Variants in CSMD1 observed in about 807,000 individuals in gnomAD.
The protein encoded by CSMD1 is CUB and sushi domain-containing protein 1.
Under a neutral mutation model 417.5 loss-of-function variants are expected in CSMD1, and 213 were observed. That is an observed-to-expected ratio of 0.51 (90% CI 0.46 to 0.57). The LOEUF (loss-of-function observed/expected upper bound fraction) is 0.57, where lower values mean the gene tolerates loss of function less well. CSMD1 is among the 20% of genes least tolerant of loss of function. The pLI is 0.00. For missense variants in CSMD1, 6,923 were observed against 4,529.7 expected (o/e 1.53, Z -15.17); for synonymous variants, 2,862 against 1,736.8 (o/e 1.65, Z -16.11).
chr8:4,752,544 C>G (rs1811399758), intron 1 of CSMD1, among the ~76,000 whole-genome samples: 1 of 152,292 alleles, frequency 6.6e-6, no homozygotes, highest in Admixed American at 6.5e-5. Context: ...AGTTAAAACT[C>G]TGTACCCAGA....
At chr8:3,091,859 A>G (rs78015806) in intron 47 of CSMD1, among the ~76,000 whole-genome samples, 197 bp from the exon 48 acceptor site, 1,732 of 152,316 alleles carry the variant, frequency 0.011, 35 homozygotes, top group African/African-American at 0.04. Flanking sequence ...AATGTACAAA[A>G]AGAATTTCAG....
At chr8:3,813,167 CA>C (rs975880760) in intron 5 of CSMD1, among the ~76,000 whole-genome samples, 1 of 146,124 alleles carries the variant, frequency 6.8e-6, no homozygotes, top group Non-Finnish European at 1.5e-5. Context: ...AATTACATTT[CA>C]AAGAAATTCA....
intron 2 of CSMD1, among the ~76,000 whole-genome samples, chr8:4,434,468 A>G (rs965605580): frequency 1.3e-5 from 2 of 152,170 alleles, no homozygotes; most frequent in African/African-American, 4.8e-5. Flanking sequence ...TGAAGTCCCC[A>G]CACTCTAACA....
chr8:3,602,201 T>G (rs1801396313), intron 8 of CSMD1, among the ~76,000 whole-genome samples: 1 of 152,220 alleles, frequency 6.6e-6, no homozygotes, highest in African/African-American at 2.4e-5. Flanking sequence ...TCTTCATGAC[T>G]GGTCCATCTT....
intron 1 of CSMD1, among the ~76,000 whole-genome samples, chr8:4,911,218 A>C (rs1451731414): frequency 6.6e-6 from 1 of 152,184 alleles, no homozygotes; most frequent in Non-Finnish European, 1.5e-5. Flanking sequence ...CTTTTCCTCA[A>C]ATTCTGTCTG....
intron 25 of CSMD1, 37 bp from the exon 26 acceptor site, chr8:3,284,383 A>G (rs1274889038): frequency 3.3e-6 from 5 of 1,512,202 alleles, no homozygotes; most frequent in Non-Finnish European, 4.6e-6. Flanking sequence ...CTTGCCGTGC[A>G]TCGAGCATGT....
At chr8:4,889,643 G>C (rs1456853215) in intron 1 of CSMD1, among the ~76,000 whole-genome samples, 2 of 152,012 alleles carry the variant, frequency 1.3e-5, no homozygotes, top group African/African-American at 2.4e-5. Context: ...AGCCATAAGA[G>C]ACTGCAAATA....
intron 3 of CSMD1, among the ~76,000 whole-genome samples, chr8:4,198,443 G>T (rs949217576): frequency 1.3e-5 from 2 of 152,316 alleles, no homozygotes; most frequent in Admixed American, 6.5e-5. Context: ...ACCTGTGGTG[G>T]TTAGGTAAAA....
chr8:3,087,231 G>C lies in CSMD1; in HGVS notation c.7340C>G (p.Thr2447Ser), dbSNP rs954349572. The C allele has an allele frequency of 1.2e-6, 2 of 1,613,950 alleles. No individual in the cohort carries two copies. Among genetic ancestry groups the C allele is most frequent in the Admixed American group, 1.7e-5 (1 of 60,020 alleles). The change falls in exon 49 of 70, where the codon ACT (threonine) becomes AGT (serine). Residue 2447 changes from threonine (T) to serine (S), a missense_variant. Physicochemically the swap from Thr to Ser is moderately conservative, Grantham distance 58. Transcript: ENST00000635120. Reference sequence around the variant, plus strand: ...CACTTTGCTTCCAACCGCTCCTGCAGTCCTGTTTAGAATACCCCCATTCTT... The same window carrying C: ...CACTTTGCTTCCAACCGCTCCTGCACTCCTGTTTAGAATACCCCCATTCTT... The part of the protein sequence containing the change: ...PLKNGGILNR[T>S]AGAVGSKVHY...
chr8:3,647,004 A>C (rs974884811), intron 7 of CSMD1, among the ~76,000 whole-genome samples: 1 of 152,150 alleles, frequency 6.6e-6, no homozygotes, highest in Non-Finnish European at 1.5e-5. Flanking sequence ...GCATTTTTGA[A>C]ACATCTCAGC....
chr8:4,771,363 G>A (rs117297156), intron 1 of CSMD1, among the ~76,000 whole-genome samples: 6 of 152,290 alleles, frequency 3.9e-5, no homozygotes, highest in Non-Finnish European at 7.4e-5. Context: ...CCAGGCTTTG[G>A]GCCCTCTTCA....
Position 4,655,449 on chromosome 8 carries a change from C to G in CSMD1, c.86-17891G>C, listed in dbSNP as rs1804168745. On this transcript the variant is annotated intron_variant, in intron 1 of 69. Coordinates refer to ENST00000635120, the MANE Select transcript of CSMD1 (RefSeq NM_033225.6). ...GGTATAAAATGGAAATGTGAAGTTA[C>G]AGACATGGATTCTGGCTTATTTTTT... Among the ~76,000 whole-genome samples, 2 of 152,052 alleles carry G rather than the reference C, an allele frequency of 1.3e-5. 1 individual carries two copies. The highest frequency in any genetic ancestry group is 4.8e-5 in the African/African-American group (2 of 41,340).
At chr8:3,274,331 G>T (rs1463421736) in intron 26 of CSMD1, among the ~76,000 whole-genome samples, 1 of 152,134 alleles carries the variant, frequency 6.6e-6, no homozygotes, top group Non-Finnish European at 1.5e-5. Flanking sequence ...ATTTGCTGAG[G>T]AGTGCTTTAC....
intron 1 of CSMD1, among the ~76,000 whole-genome samples, chr8:4,975,974 G>A (rs1425864523): frequency 2.0e-5 from 3 of 152,076 alleles, no homozygotes; most frequent in African/African-American, 4.8e-5. Flanking sequence ...GCTTGAAAAA[G>A]AAATAGGTGT....
At chr8:3,509,198 A>G (rs944837581) in intron 10 of CSMD1, among the ~76,000 whole-genome samples, 1 of 152,228 alleles carries the variant, frequency 6.6e-6, no homozygotes, top group Non-Finnish European at 1.5e-5. Context: ...GGTTTCGGAA[A>G]TCTGGGCAAT....
At chr8:4,368,974 T>C (rs1057137540) in intron 3 of CSMD1, among the ~76,000 whole-genome samples, 7 of 152,140 alleles carry the variant, frequency 4.6e-5, no homozygotes, top group Non-Finnish European at 7.4e-5. Flanking sequence ...CTGATTTTGG[T>C]TATTTTCTGC....
rs148180361 is a variant in CSMD1, at chr8:3,689,421, G to C, written c.1009+18993C>G. ...GTTATACAATGTTTCAGGAAGAAAG[G>C]AAATGGCGGGATAGTTAGAAGTAAT... On this transcript the variant is annotated intron_variant, in intron 7 of 69. Coordinates refer to ENST00000635120, the MANE Select transcript of CSMD1 (RefSeq NM_033225.6). Among the ~76,000 whole-genome samples the C allele has an allele frequency of 4.5e-3, 681 of 152,308 alleles. 8 individuals carry two copies. Among genetic ancestry groups the C allele is most frequent in the African/African-American group, 0.016 (645 of 41,564 alleles).
At chr8:3,064,696 T>G (rs1812804383) in intron 49 of CSMD1, among the ~76,000 whole-genome samples, 1 of 152,014 alleles carries the variant, frequency 6.6e-6, no homozygotes. Context: ...CATCCCCGCA[T>G]TTTCTCAAAG....
intron 26 of CSMD1, among the ~76,000 whole-genome samples, chr8:3,259,309 G>C (rs17319659): frequency 0.13 from 19,728 of 152,148 alleles, 1,686 homozygotes; most frequent in Non-Finnish European, 0.18. Flanking sequence ...TTTCTAGTTA[G>C]CATGTGAGCT....
Sources: allele counts gnomAD v4.1 joint callset (sites outside exome capture counted in the v4.1 genomes callset), GRCh38; gene constraint gnomAD v4.1.1; transcripts MANE v1.5; gene names NCBI Gene and HGNC (gene_info 2026-07-23, HGNC 2026-07-21).